The following STXBP4 variants were observed in gnomAD, a reference collection of about 807,000 sequenced individuals.
STXBP4 encodes the protein syntaxin-binding protein 4.
In STXBP4, 55 loss-of-function variants were observed where a neutral mutation model predicts 76.1. The ratio of observed to expected loss-of-function variants is 0.72; its 90% CI spans 0.58 to 0.91. The LOEUF is 0.91. STXBP4 is among the 40% of genes least tolerant of loss of function. The pLI, the probability that STXBP4 is intolerant of heterozygous loss-of-function variation, is 0.00. For synonymous variants in STXBP4, 201 were observed against 220.2 expected, an observed-to-expected ratio of 0.91 and a Z score of 0.77; for missense variants, 618 against 636.9, an observed-to-expected ratio of 0.97 and a Z score of 0.32.
Position 55,169,961 on chromosome 17 carries a change from G to A in STXBP4, c.*10050G>A, listed in dbSNP as rs1049543635. The A allele has an allele frequency of 5.9e-5, 9 of 152,096 alleles. No individual in the cohort carries two copies. Among genetic ancestry groups the A allele is most frequent in the African/African-American group, 1.9e-4 (8 of 41,412 alleles). 9.4% of individuals were successfully genotyped at this position (152,096 alleles called of 1,614,324 possible). On this transcript the variant is annotated 3_prime_UTR_variant, in exon 18 of 18. Coordinates refer to ENST00000376352, the MANE Select transcript of STXBP4 (RefSeq NM_178509.6). ...CAAACCTTCTCACCTATGATATAAG[G>A]CTTCCTTAGAATTATTGATTAATTA...
At chr17:55,188,104 C>G in the STXBP4 span, among the ~76,000 whole-genome samples, 2 of 152,196 alleles carry the variant, frequency 1.3e-5, no homozygotes, top group Non-Finnish European at 2.9e-5. Context: ...TCACTAGATA[C>G]TGCCTCTCCA....
intron 12 of STXBP4, among the ~76,000 whole-genome samples, chr17:55,057,323 C>A (rs1410379357): frequency 6.6e-6 from 1 of 152,126 alleles, no homozygotes; most frequent in Non-Finnish European, 1.5e-5. Context: ...AATGTATTGT[C>A]CTCCTTTTTT....
At chr17:54,994,972 T>C (rs1394529350) in intron 4 of STXBP4, among the ~76,000 whole-genome samples, 2 of 152,134 alleles carry the variant, frequency 1.3e-5, no homozygotes, top group Non-Finnish European at 2.9e-5. Context: ...CTACATATGC[T>C]CCTAAATCCC....
At position 55,034,622 on chromosome 17, in the gene STXBP4, G is replaced by GTA. The variant is rs1328650187; in HGVS notation, c.855+370_855+371dup. ...ACACATAGAAAAGCACCTATATAAT[G>GTA]TATATATACTATGAAATTTTATAGC... On this transcript the variant is annotated intron_variant, in intron 10 of 17. Coordinates refer to ENST00000376352, the MANE Select transcript of STXBP4 (RefSeq NM_178509.6). Among the ~76,000 whole-genome samples, 3 of 152,060 alleles carry GTA rather than the reference G, an allele frequency of 2.0e-5. No homozygotes were observed. The East Asian group carries it at 5.8e-4, about 29-fold the overall frequency.
chr17:55,008,890 A>G (rs1481490676), intron 8 of STXBP4, among the ~76,000 whole-genome samples: 1 of 152,114 alleles, frequency 6.6e-6, no homozygotes, highest in Admixed American at 6.6e-5. Flanking sequence ...TTGCACACCA[A>G]AGTGCCATAC....
intron 16 of STXBP4, among the ~76,000 whole-genome samples, chr17:55,135,137 T>C (rs767262003): frequency 2.9e-4 from 44 of 152,260 alleles, no homozygotes; most frequent in Middle Eastern, 6.8e-3. Flanking sequence ...TGGTGTAGTA[T>C]ATGTTGGCAA....
chr17:55,005,599 T>C (rs1481687471), intron 7 of STXBP4, among the ~76,000 whole-genome samples: 1 of 152,222 alleles, frequency 6.6e-6, no homozygotes, highest in Non-Finnish European at 1.5e-5. Context: ...TAGGTGTTCC[T>C]GTCTCACCTT....
intron 8 of STXBP4, among the ~76,000 whole-genome samples, chr17:55,024,272 A>G (rs1181183463): frequency 6.6e-6 from 1 of 152,248 alleles, no homozygotes; most frequent in Non-Finnish European, 1.5e-5. Context: ...ACTTCTGGAC[A>G]TATACACTAG....
At chr17:55,043,785 A>G (rs2144745983) in intron 11 of STXBP4, 1 of 682,238 alleles carries the variant, frequency 1.5e-6, no homozygotes, top group East Asian at 2.9e-5. Context: ...AAAAACACAC[A>G]TATCCCAAAT....
At chr17:55,077,765 G>A (rs978513030) in intron 13 of STXBP4, among the ~76,000 whole-genome samples, 1 of 148,518 alleles carries the variant, frequency 6.7e-6, no homozygotes, top group South Asian at 2.2e-4. Context: ...ATTAGTAGAG[G>A]TTTCTGTCAG....
At chr17:55,179,329 G>C in the STXBP4 span, among the ~76,000 whole-genome samples, 3 of 152,044 alleles carry the variant, frequency 2.0e-5, no homozygotes, top group East Asian at 5.8e-4. Flanking sequence ...AAAAAATAAA[G>C]GAGGGGGCCT....
chr17:55,115,942 G>C (rs1373682678), intron 16 of STXBP4, among the ~76,000 whole-genome samples: 1 of 151,856 alleles, frequency 6.6e-6, no homozygotes, highest in African/African-American at 2.4e-5. Context: ...GGAAATGACA[G>C]AGTAAGACTT....
intron 16 of STXBP4, among the ~76,000 whole-genome samples, chr17:55,107,913 G>T (rs1018062346): frequency 6.6e-6 from 1 of 152,216 alleles, no homozygotes; most frequent in Non-Finnish European, 1.5e-5. Flanking sequence ...TCCGCTTGAG[G>T]ATGCAGTATG....
chr17:55,179,825 A>G, the STXBP4 span, among the ~76,000 whole-genome samples: 14 of 152,154 alleles, frequency 9.2e-5, no homozygotes, highest in African/African-American at 1.7e-4. Flanking sequence ...AATCAACTTT[A>G]TGTTATCAGT....
chr17:55,132,703 A>G (rs762430823), intron 16 of STXBP4, among the ~76,000 whole-genome samples: 1 of 152,174 alleles, frequency 6.6e-6, no homozygotes, highest in Non-Finnish European at 1.5e-5. Flanking sequence ...TTTGCATCCT[A>G]GTAAGGAAAG....
intron 12 of STXBP4, 41 bp from the exon 13 acceptor site, chr17:55,072,859 C>G (rs775326973): frequency 6.5e-7 from 1 of 1,541,922 alleles, no homozygotes; most frequent in Non-Finnish European, 8.8e-7. Flanking sequence ...GGAACTATTT[C>G]TTATGTATTT....
intron 5 of STXBP4, 81 bp from the exon 6 acceptor site, chr17:54,999,551 A>G: frequency 6.9e-7 from 1 of 1,455,678 alleles, no homozygotes; most frequent in Non-Finnish European, 9.4e-7. Context: ...GTATTTTTTA[A>G]TAACATCTGA....
the STXBP4 span, among the ~76,000 whole-genome samples, chr17:55,199,462 T>C: frequency 5.3e-5 from 8 of 152,336 alleles, no homozygotes; most frequent in Admixed American, 4.6e-4. Context: ...GGTCTGTTCT[T>C]TCCTGTTTCT....
chr17:54,996,248 A>G (rs9897950), intron 4 of STXBP4, among the ~76,000 whole-genome samples: 9,593 of 149,186 alleles, frequency 0.064, 957 homozygotes, highest in African/African-American at 0.22. Flanking sequence ...GGATGGTGGC[A>G]TTCTAGATGG....
Sources: allele counts gnomAD v4.1 joint callset (sites outside exome capture counted in the v4.1 genomes callset), GRCh38; gene constraint gnomAD v4.1.1; transcripts MANE v1.5; gene names NCBI Gene and HGNC (gene_info 2026-07-23, HGNC 2026-07-21).